COPS5: variants seen among roughly 807,000 people sequenced by gnomAD.
COPS5 encodes COP9 signalosome complex subunit 5.
Under a neutral mutation model 44.4 loss-of-function variants are expected in COPS5, and 8 were observed. That is an observed-to-expected ratio of 0.18 (90% CI 0.11 to 0.32). The LOEUF (loss-of-function observed/expected upper bound fraction) is 0.32, where lower values mean the gene tolerates loss of function less well. Among genes scored for constraint, COPS5 ranks in the 10% least tolerant of loss-of-function variants. The pLI, the probability that COPS5 is intolerant of heterozygous loss-of-function variation, is 1.00. For synonymous variants in COPS5, 122 were observed against 142.8 expected, an observed-to-expected ratio of 0.85 and a Z score of 1.04; for missense variants, 159 against 406.4, an observed-to-expected ratio of 0.39 and a Z score of 5.23.
At chr8:67,049,611 C>T (rs1297001957) in intron 6 of COPS5, among the ~76,000 whole-genome samples, 1 of 152,112 alleles carries the variant, frequency 6.6e-6, no homozygotes, top group Non-Finnish European at 1.5e-5. Context: ...TGGTTGAATC[C>T]ACCTTTTCCT....
chr8:67,053,108 G>A (rs1490850393), intron 5 of COPS5, among the ~76,000 whole-genome samples: 4 of 151,922 alleles, frequency 2.6e-5, no homozygotes, highest in Non-Finnish European at 5.9e-5. Flanking sequence ...TGCTTTTTCT[G>A]AGCCGCAATC....
Position 67,043,141 on chromosome 8 carries a change from C to T in COPS5, c.*92G>A, listed in dbSNP as rs572408555. The T allele has an allele frequency of 1.3e-4, 94 of 716,114 alleles. No homozygotes were observed. The South Asian group carries it at 1.5e-3, about 12-fold the overall frequency. The allele number at this position is 716,114 out of a possible 1,614,324, so 44.4% of individuals were successfully genotyped here. ...TTAGGACACTTCAGAGCACCTTATA[C>T]TTCTAATCAGATTTTGGGTAACTGG... On this transcript the variant is annotated 3_prime_UTR_variant, in exon 8 of 8. Coordinates refer to ENST00000357849, the MANE Select transcript of COPS5 (RefSeq NM_006837.3).
intron 6 of COPS5, among the ~76,000 whole-genome samples, chr8:67,049,075 A>C (rs1475378659): frequency 6.6e-6 from 1 of 152,250 alleles, no homozygotes; most frequent in Non-Finnish European, 1.5e-5. Flanking sequence ...TAAATATTTC[A>C]GAACTTAAGT....
Position 67,058,128 on chromosome 8 carries a change from A to C in COPS5, c.462T>G (p.Thr154=). Reference sequence around the variant, plus strand: ...CCTGGAACTGCTGATTGAGCATCTGAGTACTAACATCAATCCCAGAAAGCC... The same window carrying C: ...CCTGGAACTGCTGATTGAGCATCTGCGTACTAACATCAATCCCAGAAAGCC... ...GCWLSGIDVS[T]QMLNQQFQEP... Residue 154 remains threonine, a synonymous_variant, in exon 3 of 8, where the codon ACT becomes ACG. Coordinates refer to ENST00000357849, the MANE Select transcript of COPS5 (RefSeq NM_006837.3). The C allele has an allele frequency of 6.2e-7, 1 of 1,614,074 alleles. No homozygotes were observed. Among genetic ancestry groups the C allele is most frequent in the South Asian group, 1.1e-5 (1 of 91,082 alleles).
At chr8:67,058,321 C>A in intron 2 of COPS5, 110 bp from the exon 3 acceptor site, 1 of 1,061,204 alleles carries the variant, frequency 9.4e-7, no homozygotes, top group Non-Finnish European at 1.4e-6. Context: ...CCTCAATTAC[C>A]CACTTTTCTC....
chr8:67,050,770 A>AG (rs986953332), intron 6 of COPS5, among the ~76,000 whole-genome samples: 18 of 151,368 alleles, frequency 1.2e-4, no homozygotes, highest in Admixed American at 8.6e-4. Context: ...AGAGAAAGAA[A>AG]AAAAAAAAAA....
intron 1 of COPS5, chr8:67,060,389 C>A: frequency 8.0e-7 from 1 of 1,255,968 alleles, no homozygotes; most frequent in South Asian, 1.3e-5. Flanking sequence ...ACAGAGCAGT[C>A]AGTCAACGTC....
chr8:67,047,768 C>T (rs1816718459), intron 6 of COPS5: 3 of 702,014 alleles, frequency 4.3e-6, no homozygotes, highest in Non-Finnish European at 7.8e-6. Context: ...ATCTGCTTGC[C>T]TCATACAAAG....
In COPS5 at chr8:67,043,239, G is replaced by T; in HGVS notation, c.999C>A (p.Ile333=). Residue 333 remains isoleucine, a synonymous_variant, in exon 8 of 8, where the codon ATC becomes ATA. Transcript: ENST00000357849. ...AGTACTTCTCAGAGACTGTTTAAGA[G>T]ATGTTAATTTGATTAAACAGTTTAT... is the stretch of plus-strand genomic sequence containing the variant. ...IKDKLFNQIN[I]S 1 of 1,525,948 alleles carries T rather than the reference G, an allele frequency of 6.6e-7. No individual in the cohort carries two copies. Among genetic ancestry groups the T allele is most frequent in the Non-Finnish European group, 9.1e-7 (1 of 1,103,394 alleles). The allele number at this position is 1,525,948 out of a possible 1,614,324, so 94.5% of individuals were successfully genotyped here.
intron 5 of COPS5, among the ~76,000 whole-genome samples, chr8:67,054,422 A>C (rs1804467913): frequency 6.6e-6 from 1 of 152,232 alleles, no homozygotes; most frequent in Non-Finnish European, 1.5e-5. Context: ...GAATCATTTA[A>C]ATTCTTTTTA....
rs1563451161 is a variant in COPS5, at chr8:67,062,098, A to C, written c.-102T>G. On this transcript the variant is annotated 5_prime_UTR_variant, in exon 1 of 8. Coordinates refer to ENST00000357849, the MANE Select transcript of COPS5 (RefSeq NM_006837.3). ...TTGACCCTCCGCACCACGGGAACAA[A>C]CTCTTACCTAGACTCTTGGGGCAGC... The C allele has an allele frequency of 6.3e-7, 1 of 1,576,920 alleles. No individual in the cohort carries two copies. Among genetic ancestry groups the C allele is most frequent in the Non-Finnish European group, 8.6e-7 (1 of 1,164,522 alleles).
At chr8:67,045,486 TAC>T (rs139668268) in intron 7 of COPS5, 531 of 224,026 alleles carry the variant, frequency 2.4e-3, no homozygotes, top group South Asian at 3.6e-3. Flanking sequence ...TACACACACA[TAC>T]ACACACACAC....
At chr8:67,051,207 T>A (rs2129537831) in intron 6 of COPS5, 23 bp downstream of exon 6, 1 of 1,363,880 alleles carries the variant, frequency 7.3e-7, no homozygotes, top group East Asian at 2.3e-5. Context: ...TTCAAATGCA[T>A]TCTTTACAAG....
intron 6 of COPS5, among the ~76,000 whole-genome samples, chr8:67,050,557 G>A (rs554195538): frequency 1.4e-5 from 2 of 143,362 alleles, no homozygotes; most frequent in African/African-American, 5.5e-5. Flanking sequence ...ATGTGAGTGT[G>A]AGTGTGTGTG....
chr8:67,054,795 T>A (rs950834157), intron 5 of COPS5, among the ~76,000 whole-genome samples: 14 of 151,968 alleles, frequency 9.2e-5, no homozygotes, highest in Non-Finnish European at 1.9e-4. Flanking sequence ...TAAGCAGCAA[T>A]TTTTTTTGGT....
chr8:67,047,712 T>C (rs1816718039), intron 6 of COPS5: 1 of 680,370 alleles, frequency 1.5e-6, no homozygotes. Context: ...TGTCCTCATG[T>C]ATGCAGTGCT....
At chr8:67,053,082 C>G (rs868075064) in intron 5 of COPS5, among the ~76,000 whole-genome samples, 11 of 151,774 alleles carry the variant, frequency 7.2e-5, no homozygotes, top group South Asian at 2.1e-4. Context: ...ACATAGGCAC[C>G]CTTTTAAAAA....
At chr8:67,050,341 C>A (rs1486809217) in intron 6 of COPS5, among the ~76,000 whole-genome samples, 1 of 152,118 alleles carries the variant, frequency 6.6e-6, no homozygotes, top group African/African-American at 2.4e-5. Flanking sequence ...TAAAGTAATG[C>A]TCTTCTGATT....
At chr8:67,061,299 C>T in intron 1 of COPS5, 1 of 376,500 alleles carries the variant, frequency 2.7e-6, no homozygotes, top group Non-Finnish European at 5.2e-6. Flanking sequence ...TACCAGCAAT[C>T]AAAAAACTAT....
Sources: gnomAD v4.1 joint callset for allele counts (sites outside exome capture counted in the v4.1 genomes callset) on GRCh38, gnomAD v4.1.1 for gene constraint, MANE v1.5 for transcripts, NCBI Gene and HGNC (gene_info 2026-07-23, HGNC 2026-07-21) for gene names.